OSBPL10: variants seen among roughly 807,000 people sequenced by gnomAD.
OSBPL10 encodes the protein oxysterol-binding protein-related protein 10.
In OSBPL10, 49 loss-of-function variants were observed where a neutral mutation model predicts 81.7. The observed-to-expected ratio is 0.60, with a 90% CI of 0.48 to 0.76. The LOEUF (loss-of-function observed/expected upper bound fraction) is 0.76. Ranked by LOEUF, OSBPL10 falls within the 30% of genes least tolerant of loss-of-function variation. The pLI, the probability that OSBPL10 is intolerant of heterozygous loss-of-function variation, is 0.00. For synonymous variants in OSBPL10, 419 were observed against 383.6 expected, an observed-to-expected ratio of 1.09 and a Z score of -1.08; for missense variants, 923 against 987.8, an observed-to-expected ratio of 0.93 and a Z score of 0.88.
chr3:31,906,725 G>A (rs1696417966), intron 1 of OSBPL10: 1 of 152,204 alleles, frequency 6.6e-6, no homozygotes. Context: ...GAAAAGGTGA[G>A]AACCAAATCT....
At chr3:32,026,062 GA>G (rs1699407404) in intron 2 of OSBPL10, among the ~76,000 whole-genome samples, 2 of 89,948 alleles carry the variant, frequency 2.2e-5, no homozygotes, top group Non-Finnish European at 5.0e-5. Flanking sequence ...ATAGATGATA[GA>G]TAGATAGATA....
intron 4 of OSBPL10, among the ~76,000 whole-genome samples, chr3:31,817,882 A>T (rs1699883526): frequency 6.6e-6 from 1 of 152,216 alleles, no homozygotes; most frequent in South Asian, 2.1e-4. Flanking sequence ...AGGCAGGCAG[A>T]CTGCTTGAGC....
intron 4 of OSBPL10, among the ~76,000 whole-genome samples, chr3:31,778,295 A>T (rs1036865792): frequency 1.3e-5 from 2 of 152,186 alleles, no homozygotes; most frequent in Non-Finnish European, 2.9e-5. Flanking sequence ...CCTCTGGAAC[A>T]TAACCCTATT....
At chr3:31,680,383 A>G (rs1443006955) in intron 8 of OSBPL10, among the ~76,000 whole-genome samples, 1 of 152,162 alleles carries the variant, frequency 6.6e-6, no homozygotes, top group Non-Finnish European at 1.5e-5. Context: ...AGATTCTGGT[A>G]TCTCATCCAC....
chr3:32,062,193 C>T (rs62244433), intron 1 of OSBPL10, among the ~76,000 whole-genome samples: 54,012 of 91,824 alleles, frequency 0.59, 23,366 homozygotes, highest in East Asian at 0.84. Context: ...CTGCAACCTC[C>T]ACCTCCCAGG....
At position 31,836,502 on chromosome 3, in the gene OSBPL10, C is replaced by G. The variant is rs558463587; in HGVS notation, c.538-6271G>C. Among the ~76,000 whole-genome samples the G allele has an allele frequency of 3.3e-5, 5 of 151,898 alleles. No homozygotes were observed. The East Asian group carries it at 7.7e-4, about 24-fold the overall frequency. ...CATTTTCTGCGCTTTTTTCCCCCATCATTTTCAACTCCTCCCATCCACCAA... is the reference window on the plus strand; with the variant it reads ...CATTTTCTGCGCTTTTTTCCCCCATGATTTTCAACTCCTCCCATCCACCAA... On this transcript the variant is annotated intron_variant, in intron 3 of 11. Coordinates refer to ENST00000396556, the MANE Select transcript of OSBPL10 (RefSeq NM_017784.5).
chr3:31,797,709 G>T (rs72861317), intron 4 of OSBPL10: 2 of 428,638 alleles, frequency 4.7e-6, no homozygotes, highest in East Asian at 1.5e-4. Flanking sequence ...TATGTACCAT[G>T]ATATAAGTCA....
rs1226559502 is a variant in OSBPL10, at chr3:31,664,074, G to A, written c.2250+5C>T. 6.2e-7 allele frequency: 1 copy of A among 1,614,130 alleles called. No homozygotes were observed. On this transcript the variant is annotated splice_donor_5th_base_variant and intron_variant, in intron 11 of 11. Coordinates refer to ENST00000396556, the MANE Select transcript of OSBPL10 (RefSeq NM_017784.5). ...CAAGGGACCAATGACAGGCGGCAGA[G>A]TTACCTCCTGGATAAAATATTTGGG... is the stretch of plus-strand genomic sequence containing the variant.
chr3:31,907,635 A>C (rs1298570422), intron 1 of OSBPL10, among the ~76,000 whole-genome samples: 2 of 149,134 alleles, frequency 1.3e-5, no homozygotes, highest in East Asian at 3.9e-4. Flanking sequence ...AAAAAAAAAA[A>C]AAAAAAAAAA....
At chr3:31,907,507 A>T (rs745404811) in intron 1 of OSBPL10, among the ~76,000 whole-genome samples, 2 of 151,328 alleles carry the variant, frequency 1.3e-5, no homozygotes, top group African/African-American at 2.4e-5. Flanking sequence ...GGCATCTATC[A>T]TCCCAGCTAC....
intron 4 of OSBPL10, among the ~76,000 whole-genome samples, chr3:31,809,410 T>C (rs184192323): frequency 5.9e-5 from 9 of 152,350 alleles, no homozygotes; most frequent in African/African-American, 1.9e-4. Flanking sequence ...AACTTTAAAA[T>C]GCTCCTGAGG....
chr3:31,834,918 T>C (rs1700329340), intron 3 of OSBPL10, among the ~76,000 whole-genome samples: 1 of 152,182 alleles, frequency 6.6e-6, no homozygotes, highest in East Asian at 1.9e-4. Flanking sequence ...GTGTCTTCCA[T>C]TCTAAAGTTT....
intron 6 of OSBPL10, among the ~76,000 whole-genome samples, chr3:31,728,690 A>G (rs1314749792): frequency 6.6e-6 from 1 of 152,198 alleles, no homozygotes; most frequent in African/African-American, 2.4e-5. Context: ...ATTCCGGGAA[A>G]GACAAAACTA....
At chr3:32,048,403 G>A (rs1363854845) in intron 1 of OSBPL10, among the ~76,000 whole-genome samples, 1 of 150,462 alleles carries the variant, frequency 6.6e-6, no homozygotes, top group Non-Finnish European at 1.5e-5. Context: ...TGCCTTCCTG[G>A]TTCAAGTGAT....
chr3:32,003,706 C>T (rs1031135791), intron 2 of OSBPL10, among the ~76,000 whole-genome samples: 4 of 152,130 alleles, frequency 2.6e-5, no homozygotes, highest in Non-Finnish European at 4.4e-5. Context: ...TTAATTGGTC[C>T]AGGTGGACCT....
intron 1 of OSBPL10, among the ~76,000 whole-genome samples, chr3:31,920,242 C>T (rs909926873): frequency 3.9e-5 from 6 of 152,134 alleles, no homozygotes; most frequent in Admixed American, 2.6e-4. Context: ...GGATATGTGA[C>T]ATGCATTTGT....
chr3:32,041,986 A>G lies in OSBPL10; in HGVS notation n.298+4505T>C, dbSNP rs114191190. 2.3e-3 allele frequency among the ~76,000 whole-genome samples: 350 copies of G among 152,246 alleles called. 5 individuals carry two copies. Among genetic ancestry groups the G allele is most frequent in the African/African-American group, 7.7e-3 (320 of 41,566 alleles). ...AGTTTCTGAAACTAGTGTAGAAAAT[A>G]CCATGCAGCTTCCACCTGGTTCTCT... On this transcript the variant is annotated intron_variant and non_coding_transcript_variant, in intron 2 of 3. Coordinates refer to the OSBPL10 transcript ENST00000479173.
At chr3:32,071,600 G>A (rs556536744) in intron 1 of OSBPL10, among the ~76,000 whole-genome samples, 53 of 136,870 alleles carry the variant, frequency 3.9e-4, no homozygotes, top group Admixed American at 2.7e-3. Flanking sequence ...GTCTCCATGC[G>A]GCGGCTGCCA....
At chr3:31,772,947 A>C (rs1185808649) in intron 4 of OSBPL10, among the ~76,000 whole-genome samples, 1 of 151,806 alleles carries the variant, frequency 6.6e-6, no homozygotes, top group Non-Finnish European at 1.5e-5. Context: ...CGTGCAAGCC[A>C]GCACTAGCCA....
Sources: gnomAD v4.1 joint callset for allele counts (sites outside exome capture counted in the v4.1 genomes callset) on GRCh38, gnomAD v4.1.1 for gene constraint, MANE v1.5 for transcripts, NCBI Gene and HGNC (gene_info 2026-07-23, HGNC 2026-07-21) for gene names.